Variants in PTPRK observed in about 807,000 individuals in gnomAD.
PTPRK encodes the protein receptor-type tyrosine-protein phosphatase kappa.
PTPRK carries 75 observed loss-of-function variants against 178.0 expected under a neutral mutation model. The observed-to-expected ratio is 0.42, with a 90% CI of 0.35 to 0.51. The LOEUF is 0.51. PTPRK is among the 20% of genes least tolerant of loss of function. PTPRK has a pLI of 0.02. For synonymous variants in PTPRK, 637 were observed against 620.6 expected (o/e 1.03, Z -0.39); for missense variants, 1,441 against 1,797.8 (o/e 0.80, Z 3.59).
intron 3 of PTPRK, among the ~76,000 whole-genome samples, chr6:128,300,890 T>C (rs1825491331): frequency 6.6e-6 from 1 of 151,934 alleles, no homozygotes; most frequent in African/African-American, 2.4e-5. Flanking sequence ...AAAATTACAA[T>C]ATGTCCTTAC....
intron 13 of PTPRK, among the ~76,000 whole-genome samples, chr6:128,021,990 A>C (rs1350909036): frequency 2.6e-5 from 4 of 152,150 alleles, no homozygotes; most frequent in African/African-American, 9.7e-5. Context: ...TTCTTCTTGG[A>C]GGGTACATAC....
At chr6:128,155,201 TA>T (rs1010892275) in intron 7 of PTPRK, among the ~76,000 whole-genome samples, 3 of 151,786 alleles carry the variant, frequency 2.0e-5, no homozygotes, top group Non-Finnish European at 4.4e-5. Flanking sequence ...AGAAGTTTGA[TA>T]AGATTCAGAC....
At chr6:128,417,579 G>T (rs1842986201) in intron 1 of PTPRK, among the ~76,000 whole-genome samples, 1 of 152,144 alleles carries the variant, frequency 6.6e-6, no homozygotes, top group Non-Finnish European at 1.5e-5. Context: ...TATCATTAAA[G>T]GTTCTTTCTG....
intron 1 of PTPRK, among the ~76,000 whole-genome samples, chr6:128,494,201 T>TAAAA (rs11301155): frequency 1.8e-5 from 2 of 112,938 alleles, no homozygotes; most frequent in Non-Finnish European, 3.6e-5. Context: ...CCCTGTATCT[T>TAAAA]AAAAAAAAAA....
Position 128,112,750 on chromosome 6 carries a change from C to T in PTPRK, c.1163-22758G>A, listed in dbSNP as rs529571121. 6.4e-4 allele frequency among the ~76,000 whole-genome samples: 97 copies of T among 152,120 alleles called. 1 individual carries two copies. Among genetic ancestry groups the T allele is most frequent in the South Asian group, 1.5e-3 (7 of 4,826 alleles). On this transcript the variant is annotated intron_variant, in intron 7 of 29. Coordinates refer to ENST00000368226, the MANE Select transcript of PTPRK (RefSeq NM_002844.4). ...CCCCTTAATAATTCACTAAGCTTTC[C>T]GAACATGGAAGCTAAATATAGTTTA...
chr6:128,285,530 G>C (rs1822352477), intron 3 of PTPRK, among the ~76,000 whole-genome samples: 2 of 150,084 alleles, frequency 1.3e-5, no homozygotes, highest in Non-Finnish European at 3.0e-5. Flanking sequence ...AAAAAAAAAG[G>C]CTGGGCGTGG....
At chr6:128,061,435 G>A (rs576192709) in intron 13 of PTPRK, among the ~76,000 whole-genome samples, 39 of 152,192 alleles carry the variant, frequency 2.6e-4, no homozygotes, top group African/African-American at 9.4e-4. Context: ...AGATTTTCCA[G>A]AGAACTAAGT....
intron 7 of PTPRK, among the ~76,000 whole-genome samples, chr6:128,091,157 A>G (rs1786870714): frequency 6.6e-6 from 1 of 152,194 alleles, no homozygotes; most frequent in Non-Finnish European, 1.5e-5. Flanking sequence ...ACAAAAATCT[A>G]CATATGTGCA....
chr6:128,484,832 T>A (rs897289449), intron 1 of PTPRK, among the ~76,000 whole-genome samples: 1 of 152,202 alleles, frequency 6.6e-6, no homozygotes, highest in Non-Finnish European at 1.5e-5. Context: ...CGAATCACAT[T>A]TTTAAACTCA....
chr6:128,385,507 T>C (rs6934873), intron 2 of PTPRK, among the ~76,000 whole-genome samples: 13,776 of 152,228 alleles, frequency 0.09, 1,402 homozygotes, highest in East Asian at 0.32. Context: ...GGGAAGAACA[T>C]GGCAAGCTGT....
intron 3 of PTPRK, among the ~76,000 whole-genome samples, chr6:128,299,933 G>A: frequency 6.6e-6 from 1 of 151,954 alleles, no homozygotes. Context: ...GAGTGAACAG[G>A]CAACCTACAA....
intron 13 of PTPRK, chr6:128,063,628 T>A (rs1237265223): frequency 6.6e-6 from 1 of 152,318 alleles, no homozygotes; most frequent in African/African-American, 2.4e-5. Flanking sequence ...TAAAATAAAA[T>A]CCTTATACAT....
chr6:128,056,284 A>G (rs1050015986), intron 13 of PTPRK, among the ~76,000 whole-genome samples: 1 of 152,008 alleles, frequency 6.6e-6, no homozygotes, highest in African/African-American at 2.4e-5. Flanking sequence ...CTAAGGTCAG[A>G]TTTCTATACT....
chr6:128,198,210 CTA>C (rs1331388423), intron 6 of PTPRK, among the ~76,000 whole-genome samples: 1 of 152,126 alleles, frequency 6.6e-6, no homozygotes, highest in South Asian at 2.1e-4. Context: ...AAATAGAACT[CTA>C]TGTCTTATTA....
At chr6:128,138,971 T>A (rs79526186) in intron 7 of PTPRK, among the ~76,000 whole-genome samples, 3,396 of 152,176 alleles carry the variant, frequency 0.022, 77 homozygotes, top group Non-Finnish European at 0.037. Flanking sequence ...AAATGAAGTA[T>A]GGTGTATAGG....
At chr6:128,019,637 TG>T (rs1773170131) in intron 13 of PTPRK, among the ~76,000 whole-genome samples, 1 of 152,188 alleles carries the variant, frequency 6.6e-6, no homozygotes, top group African/African-American at 2.4e-5. Flanking sequence ...ATGAATTATT[TG>T]TTGTCCCTGG....
intron 6 of PTPRK, among the ~76,000 whole-genome samples, chr6:128,194,067 T>TATATATA (rs1491310879): frequency 3.4e-3 from 231 of 68,820 alleles, no homozygotes; most frequent in African/African-American, 0.016. Context: ...TATATATATA[T>TATATATA]TATTATTATT....
chr6:128,226,208 G>T (rs1811265803), intron 5 of PTPRK, among the ~76,000 whole-genome samples: 1 of 152,142 alleles, frequency 6.6e-6, no homozygotes, highest in South Asian at 2.1e-4. Context: ...ATCTAACATT[G>T]GGTATATGTA....
intron 1 of PTPRK, 82 bp from the exon 2 acceptor site, chr6:128,397,770 T>G: frequency 7.4e-7 from 1 of 1,354,410 alleles, no homozygotes; most frequent in Middle Eastern, 1.9e-4. Flanking sequence ...AATGTTATAT[T>G]GATATATATA....
Sources: gnomAD v4.1 joint callset for allele counts (sites outside exome capture counted in the v4.1 genomes callset) on GRCh38, gnomAD v4.1.1 for gene constraint, MANE v1.5 for transcripts, NCBI Gene and HGNC (gene_info 2026-07-23, HGNC 2026-07-21) for gene names.